The following PKP2 variants were observed in gnomAD, a reference collection of about 807,000 sequenced individuals.
The protein encoded by PKP2 is plakophilin 2.
PKP2 carries 73 observed loss-of-function variants against 83.4 expected under a neutral mutation model. The ratio of observed to expected loss-of-function variants is 0.88; its 90% CI spans 0.72 to 1.06. The LOEUF (loss-of-function observed/expected upper bound fraction) is 1.06, where lower values mean the gene tolerates loss of function less well. Ranked by LOEUF, PKP2 falls within the 50% of genes least tolerant of loss-of-function variation. The pLI, the probability that PKP2 is intolerant of heterozygous loss-of-function variation, is 0.00. For synonymous variants in PKP2, 409 were observed against 430.4 expected (o/e 0.95, Z 0.62); for missense variants, 966 against 1,065.4 (o/e 0.91, Z 1.30).
intron 4 of PKP2, among the ~76,000 whole-genome samples, chr12:32,867,615 T>A (rs968213118): frequency 1.3e-5 from 2 of 152,184 alleles, no homozygotes; most frequent in African/African-American, 4.8e-5. Context: ...ATATTGAAGA[T>A]TTCCAAGATA....
chr12:32,795,573 G>T (rs1272925022), intron 11 of PKP2, among the ~76,000 whole-genome samples: 1 of 152,074 alleles, frequency 6.6e-6, no homozygotes, highest in Non-Finnish European at 1.5e-5. Flanking sequence ...TAGAGACAGG[G>T]TTTTGCCATG....
At chr12:32,890,630 T>C (rs893908263) in intron 1 of PKP2, among the ~76,000 whole-genome samples, 6 of 152,186 alleles carry the variant, frequency 3.9e-5, no homozygotes, top group African/African-American at 1.4e-4. Context: ...ACTGTTTTTA[T>C]GTCCAATATC....
intron 1 of PKP2, among the ~76,000 whole-genome samples, chr12:32,883,068 T>G (rs1957000030): frequency 6.6e-6 from 1 of 152,358 alleles, no homozygotes; most frequent in East Asian, 1.9e-4. Flanking sequence ...GAAAGCTGCT[T>G]CTTCAGTTTT....
chr12:32,846,709 C>T (rs1449279591), intron 5 of PKP2, among the ~76,000 whole-genome samples: 1 of 136,962 alleles, frequency 7.3e-6, no homozygotes, highest in Non-Finnish European at 1.5e-5. Context: ...TGCGCCATTG[C>T]ACTCCAGCCT....
chr12:32,825,369 A>T (rs1956428236), intron 6 of PKP2, among the ~76,000 whole-genome samples: 1 of 151,912 alleles, frequency 6.6e-6, no homozygotes, highest in South Asian at 2.1e-4. Context: ...GGGTTTCACC[A>T]TGTTGGTTGG....
chr12:32,870,331 G>C (rs891748905), intron 3 of PKP2, among the ~76,000 whole-genome samples: 1 of 152,058 alleles, frequency 6.6e-6, no homozygotes, highest in African/African-American at 2.4e-5. Context: ...GGGGTGATAA[G>C]GAGTAATGCG....
rs1263633030 is a variant in PKP2 at position 32,791,882 on chromosome 12, T to C, written c.*542A>G. ...ATCAGAGAAAAACAACCCAAGGGGA[T>C]AAAAACAAGCACAAAGTAAAGAAAG... On this transcript the variant is annotated 3_prime_UTR_variant, in exon 13 of 13. Coordinates refer to ENST00000340811, the MANE Select transcript of PKP2 (RefSeq NM_001005242.3). The C allele has an allele frequency of 1.2e-5, 2 of 164,540 alleles. No individual in the cohort carries two copies. Among genetic ancestry groups the C allele is most frequent in the African/African-American group, 2.4e-5 (1 of 41,502 alleles). 10.2% of individuals were successfully genotyped at this position (164,540 alleles called of 1,614,324 possible).
At chr12:32,870,564 CTTTTATCTAATAT>C (rs2137924480) in intron 3 of PKP2, among the ~76,000 whole-genome samples, 1 of 152,060 alleles carries the variant, frequency 6.6e-6, no homozygotes, top group East Asian at 1.9e-4. Flanking sequence ...ATTTGAGTCA[CTTTTATCTAATAT>C]TTTTATCTAA....
chr12:32,792,849 T>A, intron 11 of PKP2, 118 bp from the exon 12 acceptor site: 1 of 789,506 alleles, frequency 1.3e-6, no homozygotes, highest in East Asian at 2.5e-5. Context: ...CAGCCATCCA[T>A]GAAGTCAGGC....
At chr12:32,822,716 T>C in intron 7 of PKP2, 85 bp from the exon 8 acceptor site, 3 of 1,459,636 alleles carry the variant, frequency 2.1e-6, no homozygotes, top group Admixed American at 1.7e-5. Context: ...CTTTAGCTCT[T>C]ACAAGGTTTA....
At chr12:32,807,949 C>T (rs1437146113) in intron 9 of PKP2, among the ~76,000 whole-genome samples, 1 of 152,146 alleles carries the variant, frequency 6.6e-6, no homozygotes, top group African/African-American at 2.4e-5. Flanking sequence ...TTCTCTCTGG[C>T]TGCCCTTAAC....
At position 32,821,461 on chromosome 12, in the gene PKP2, G is replaced by A. The variant is rs138495471; in HGVS notation, c.1908C>T (p.Ser636=). The change falls in exon 9 of 13, where the codon TCC becomes TCT. Residue 636 remains serine (S), a synonymous_variant. Coordinates refer to ENST00000340811, the MANE Select transcript of PKP2 (RefSeq NM_001005242.3). The part of the protein sequence containing the change: ...NPKGVEWLWH[S]IVIRMYLSLI... ...AGGACAGATACATCCTTATAACAAT[G>A]GAATGCCACAGCCACTCCACGCCCT... The A allele has an allele frequency of 7.4e-6, 12 of 1,613,982 alleles. No individual in the cohort carries two copies. The highest frequency in any genetic ancestry group is 8.5e-6 in the Non-Finnish European group (10 of 1,179,976).
chr12:32,879,691 G>A (rs377027207), intron 1 of PKP2, among the ~76,000 whole-genome samples: 40 of 151,930 alleles, frequency 2.6e-4, no homozygotes, highest in Middle Eastern at 6.8e-3. Flanking sequence ...TTAGCTGTGC[G>A]TGGTGGCAGG....
intron 6 of PKP2, among the ~76,000 whole-genome samples, chr12:32,828,081 G>A (rs1471608022): frequency 6.6e-6 from 1 of 152,206 alleles, no homozygotes; most frequent in African/African-American, 2.4e-5. Flanking sequence ...TCCCAAATGG[G>A]AAGACGCCAG....
intron 10 of PKP2, among the ~76,000 whole-genome samples, chr12:32,799,933 T>A (rs1956164357): frequency 6.6e-6 from 1 of 152,192 alleles, no homozygotes; most frequent in African/African-American, 2.4e-5. Context: ...CTATTGAAAA[T>A]TCTTAAAAGG....
chr12:32,812,300 A>G (rs1272739065), intron 9 of PKP2, among the ~76,000 whole-genome samples: 1 of 152,116 alleles, frequency 6.6e-6, no homozygotes, highest in East Asian at 1.9e-4. Context: ...GGGATGCTCA[A>G]CCTACATTGC....
At chr12:32,861,833 TG>T (rs1956800462) in intron 4 of PKP2, among the ~76,000 whole-genome samples, 1 of 152,180 alleles carries the variant, frequency 6.6e-6, no homozygotes, top group South Asian at 2.1e-4. Context: ...AAGATAAGGA[TG>T]ACAGGAGATT....
chr12:32,868,031 G>A (rs1234158910), intron 4 of PKP2, among the ~76,000 whole-genome samples: 4 of 152,144 alleles, frequency 2.6e-5, no homozygotes, highest in Non-Finnish European at 4.4e-5. Flanking sequence ...TGGAATCACT[G>A]AATGAAAAAA....
In PKP2 at chr12:32,878,175, A is replaced by C; in HGVS notation, c.705T>G (p.Pro235=). The part of the protein sequence containing the change: ...SVSDTVFDSI[P]ANPALLTYPR... ...GGTACGTGAGCAGGGCCGGGTTGGC[A>C]GGGATGCTGTCAAAAACGGTGTCGC... Residue 235 remains proline (P), a synonymous_variant, in exon 3 of 13, where the codon CCT becomes CCG. Transcript: ENST00000340811. 1.2e-6 allele frequency: 2 copies of C among 1,614,230 alleles called. No homozygotes were observed. The highest frequency in any genetic ancestry group is 1.7e-6 in the Non-Finnish European group (2 of 1,180,038).
Sources: gnomAD v4.1 joint callset for allele counts (sites outside exome capture counted in the v4.1 genomes callset) on GRCh38, gnomAD v4.1.1 for gene constraint, MANE v1.5 for transcripts, NCBI Gene and HGNC (gene_info 2026-07-23, HGNC 2026-07-21) for gene names.